MAP3K4: variants seen among roughly 807,000 people sequenced by gnomAD.
MAP3K4 encodes the protein mitogen-activated protein kinase kinase kinase 4.
Under a neutral mutation model 185.6 loss-of-function variants are expected in MAP3K4, and 67 were observed. That is an observed-to-expected ratio of 0.36 (90% CI 0.30 to 0.44). MAP3K4 has a LOEUF of 0.44. Ranked by LOEUF, MAP3K4 falls within the 20% of genes least tolerant of loss-of-function variation. MAP3K4 has a pLI of 1.00. For missense variants in MAP3K4, 1,551 were observed against 1,995.1 expected (o/e 0.78, Z 4.24); for synonymous variants, 702 against 710.4 (o/e 0.99, Z 0.19).
chr6:161,003,908 A>G (rs1291054795), intron 1 of MAP3K4, among the ~76,000 whole-genome samples: 1 of 145,362 alleles, frequency 6.9e-6, no homozygotes, highest in African/African-American at 2.5e-5. Flanking sequence ...CCATTTTTAT[A>G]AATTAGATGG....
rs988366947 is a variant in MAP3K4, at chr6:161,051,363, A to T, written c.1707+1384A>T. ...TGCAAGATTTTAATTTTTTATTCTG[A>T]CAGCCGGATTATGAGCCCTTAGGAG... On this transcript the variant is annotated intron_variant, in intron 3 of 26. Coordinates refer to ENST00000392142, the MANE Select transcript of MAP3K4 (RefSeq NM_005922.4). This position sits in a 1 kb window ranked among gnomAD's most constrained non-coding sequence, Gnocchi z 4.2. 6.6e-6 allele frequency among the ~76,000 whole-genome samples: 1 copy of T among 152,166 alleles called. No homozygotes were observed. The highest frequency in any genetic ancestry group is 6.5e-5 in the Admixed American group (1 of 15,268).
rs548242851 is a variant in MAP3K4 at position 161,083,695 on chromosome 6, C to T, written c.2256-806C>T. ...TATTGTTCTTCCTGGACTTTCCTTC[C>T]GCCTTTTCCATTTTCTTCCTCGCAG... On this transcript the variant is annotated intron_variant, in intron 6 of 26. Coordinates refer to ENST00000392142, the MANE Select transcript of MAP3K4 (RefSeq NM_005922.4). 7.9e-5 allele frequency among the ~76,000 whole-genome samples: 12 copies of T among 152,260 alleles called. No homozygotes were observed. In the South Asian group the frequency reaches 2.3e-3, roughly 29 times the overall value.
Position 161,087,740 on chromosome 6 carries a change from C to A in MAP3K4, c.2609C>A (p.Ala870Asp). 1 of 1,614,026 alleles carries A rather than the reference C, an allele frequency of 6.2e-7. No individual in the cohort carries two copies. The highest frequency in any genetic ancestry group is 8.5e-7 in the Non-Finnish European group (1 of 1,179,876). The change falls in exon 10 of 27, where the codon GCT becomes GAT. Residue 870 changes from alanine (A) to aspartate (D), a missense_variant. Ala to Asp is a moderately radical substitution (Grantham distance 126). Coordinates refer to ENST00000392142, the MANE Select transcript of MAP3K4 (RefSeq NM_005922.4). The surrounding 1 kb of genome is among the most constrained non-coding windows in gnomAD (Gnocchi z 4.9). Reference sequence around the variant, plus strand: ...CAAATGTTTGTTCCAGACACTCTTGCTGAGGAGAAGAGTATTATTTTGCAG... The same window carrying A: ...CAAATGTTTGTTCCAGACACTCTTGATGAGGAGAAGAGTATTATTTTGCAG... ...NLQMFVPDTLAEEKSIILQLL... is the reference protein window; with the variant it reads ...NLQMFVPDTLDEEKSIILQLL...
rs1780983920 is a variant in MAP3K4, at chr6:160,996,214, A to T, written c.152+4131A>T. On this transcript the variant is annotated intron_variant, in intron 1 of 26. Transcript: ENST00000392142. This position sits in a 1 kb window ranked among gnomAD's most constrained non-coding sequence, Gnocchi z 4.5. Reference sequence around the variant, plus strand: ...GATGGTCATGCCTTTACACCACTGTAACAGTAGATGCCATTGGCGGGGGTG... The same window carrying T: ...GATGGTCATGCCTTTACACCACTGTTACAGTAGATGCCATTGGCGGGGGTG... 6.6e-6 allele frequency among the ~76,000 whole-genome samples: 1 copy of T among 152,186 alleles called. No individual in the cohort carries two copies. Among genetic ancestry groups the T allele is most frequent in the African/African-American group, 2.4e-5 (1 of 41,442 alleles).
chr6:161,083,553 G>T (rs1446725687), intron 6 of MAP3K4, among the ~76,000 whole-genome samples: 1 of 152,146 alleles, frequency 6.6e-6, no homozygotes, highest in Non-Finnish European at 1.5e-5. Context: ...CAGCATGGCC[G>T]CAGGACTTTC....
At chr6:161,047,038 T>G (rs1201686506) in intron 2 of MAP3K4, among the ~76,000 whole-genome samples, 1 of 147,174 alleles carries the variant, frequency 6.8e-6, no homozygotes, top group Non-Finnish European at 1.5e-5. Context: ...ATTGATGGTG[T>G]GTTCTTATAA....
At chr6:161,069,186 A>G (rs1388716294) in intron 3 of MAP3K4, among the ~76,000 whole-genome samples, 3 of 152,220 alleles carry the variant, frequency 2.0e-5, no homozygotes, top group Non-Finnish European at 2.9e-5. Context: ...CCAGAATCAC[A>G]TCGCTAATTG....
Position 161,098,431 on chromosome 6 carries a change from G to C in MAP3K4, c.3674+4G>C, listed in dbSNP as rs774908743. On this transcript the variant is annotated splice_donor_region_variant and intron_variant, in intron 17 of 26. Transcript: ENST00000392142. The surrounding 1 kb of genome is among the most constrained non-coding windows in gnomAD (Gnocchi z 4.4). Reference sequence around the variant, plus strand: ...TCAGCAGTGCCCATGATACCAGGTAGTCTCACCCCACCAGTGTCCCGTACC... The same window carrying C: ...TCAGCAGTGCCCATGATACCAGGTACTCTCACCCCACCAGTGTCCCGTACC... 13 of 1,612,080 alleles carry C rather than the reference G, an allele frequency of 8.1e-6. No homozygotes were observed. The highest frequency in any genetic ancestry group is 1.1e-5 in the Non-Finnish European group (13 of 1,178,720).
At chr6:161,090,768 G>A (rs1037407006) in intron 11 of MAP3K4, among the ~76,000 whole-genome samples, 34 of 98,292 alleles carry the variant, frequency 3.5e-4, no homozygotes, top group Non-Finnish European at 7.1e-4. Flanking sequence ...CCTCTTGGAT[G>A]TGGACGTTTG....
At position 160,999,660 on chromosome 6, in the gene MAP3K4, T is replaced by C. The variant is rs150173215; in HGVS notation, c.152+7577T>C. Among the ~76,000 whole-genome samples the C allele has an allele frequency of 3.9e-4, 60 of 152,270 alleles. No individual in the cohort carries two copies. In the East Asian group the frequency reaches 0.011, roughly 28 times the overall value. On this transcript the variant is annotated intron_variant, in intron 1 of 26. Transcript: ENST00000392142. ...CCCAGCTGACAGCTTAGGCTCCAGA[T>C]CTGCAAGCCCTTCTTCCCTTACCCT...
rs9458123 is a variant in MAP3K4 at position 161,115,746 on chromosome 6, A to T, written c.4806+444A>T. Among the ~76,000 whole-genome samples, 5 of 152,288 alleles carry T rather than the reference A, an allele frequency of 3.3e-5. No homozygotes were observed. The highest frequency in any genetic ancestry group is 1.3e-4 in the Admixed American group (2 of 15,288). ...GGTACCTTAGTTGTTTAAGAGCCAC[A>T]GCCAGGTCAGAAGTGGGGGAGGGGG... On this transcript the variant is annotated intron_variant, in intron 26 of 26. Coordinates refer to ENST00000392142, the MANE Select transcript of MAP3K4 (RefSeq NM_005922.4). This position sits in a 1 kb window ranked among gnomAD's most constrained non-coding sequence, Gnocchi z 6.0.
At chr6:161,021,001 G>A (rs1047550142) in intron 1 of MAP3K4, among the ~76,000 whole-genome samples, 1 of 152,072 alleles carries the variant, frequency 6.6e-6, no homozygotes, top group African/African-American at 2.4e-5. Flanking sequence ...TTAAAAATAG[G>A]AGGTTTTATT....
intron 1 of MAP3K4, among the ~76,000 whole-genome samples, chr6:161,031,061 T>C (rs544517047): frequency 7.9e-4 from 120 of 152,378 alleles, no homozygotes; most frequent in African/African-American, 2.8e-3. Context: ...ATTTTGTTTA[T>C]GACAGTATTC....
At position 161,086,619 on chromosome 6, in the gene MAP3K4, C is replaced by T. The variant is rs1785725327; in HGVS notation, c.2508C>T (p.Ala836=). 4 of 1,613,970 alleles carry T rather than the reference C, an allele frequency of 2.5e-6. No homozygotes were observed. The highest frequency in any genetic ancestry group is 1.3e-5 in the African/African-American group (1 of 74,992). ...TAGCAGCAGAATTCAGGCTTTCAGC[C>T]CCAGTTAGAGACCTCCTGGATGTTC... is the stretch of plus-strand genomic sequence containing the variant. ...LEIAAEFRLS[A]PVRDLLDVLK... Residue 836 remains alanine (A), a synonymous_variant, in exon 9 of 27, where the codon GCC becomes GCT. Coordinates refer to ENST00000392142, the MANE Select transcript of MAP3K4 (RefSeq NM_005922.4). This position sits in a 1 kb window ranked among gnomAD's most constrained non-coding sequence, Gnocchi z 4.8.
chr6:161,066,758 G>A (rs1784731765), intron 3 of MAP3K4, among the ~76,000 whole-genome samples: 1 of 152,286 alleles, frequency 6.6e-6, no homozygotes, highest in Admixed American at 6.5e-5. Flanking sequence ...CCAGCAGGAA[G>A]GGGGTTCCTC....
chr6:161,111,973 G>A lies in MAP3K4; in HGVS notation c.4519+15G>A. 6.2e-7 allele frequency: 1 copy of A among 1,612,930 alleles called. No individual in the cohort carries two copies. Among genetic ancestry groups the A allele is most frequent in the African/African-American group, 1.3e-5 (1 of 75,010 alleles). On this transcript the variant is annotated intron_variant, in intron 24 of 26. Coordinates refer to ENST00000392142, the MANE Select transcript of MAP3K4 (RefSeq NM_005922.4). The stretch of plus-strand genomic sequence containing the variant: ...GGGGACAGCAGGTAGGGACCAGCCT[G>A]GTTGTTCTTTGCACTCTGACTTCAT...
chr6:161,018,648 A>C (rs1272425329), intron 1 of MAP3K4, among the ~76,000 whole-genome samples: 1 of 152,252 alleles, frequency 6.6e-6, no homozygotes, highest in Admixed American at 6.5e-5. Flanking sequence ...GGTAACAACA[A>C]CAGAAAATGT....
Position 161,116,831 on chromosome 6 carries a change from C to T in MAP3K4, c.4807-19C>T. On this transcript the variant is annotated intron_variant, in intron 26 of 26. Transcript: ENST00000392142. This position sits in a 1 kb window ranked among gnomAD's most constrained non-coding sequence, Gnocchi z 6.2. Reference sequence around the variant, plus strand: ...CACCTGGCTCTGCAAGAGCTCAGCTCTCTCCTGCTTCCTCACAGGTTTGCA... The same window carrying T: ...CACCTGGCTCTGCAAGAGCTCAGCTTTCTCCTGCTTCCTCACAGGTTTGCA... 6.2e-7 allele frequency: 1 copy of T among 1,613,890 alleles called. No homozygotes were observed. Among genetic ancestry groups the T allele is most frequent in the East Asian group, 2.2e-5 (1 of 44,878 alleles).
chr6:161,028,487 G>A (rs138642649), intron 1 of MAP3K4, among the ~76,000 whole-genome samples: 116 of 152,226 alleles, frequency 7.6e-4, no homozygotes, highest in African/African-American at 2.6e-3. Context: ...TAAATCCAAA[G>A]TATAGAAGAT....
Sources: allele counts gnomAD v4.1 joint callset (sites outside exome capture counted in the v4.1 genomes callset), GRCh38; gene constraint gnomAD v4.1.1; non-coding constraint Gnocchi (gnomAD v3.1); transcripts MANE v1.5; gene names NCBI Gene and HGNC (gene_info 2026-07-23, HGNC 2026-07-21).